The following HEXB variants were observed in gnomAD, a reference collection of about 807,000 sequenced individuals.
HEXB encodes the protein hexosaminidase subunit beta, also known as beta-hexosaminidase subunit beta.
In HEXB, 51 loss-of-function variants were observed where a neutral mutation model predicts 71.2. The observed-to-expected ratio is 0.72, with a 90% CI of 0.57 to 0.90. The LOEUF (loss-of-function observed/expected upper bound fraction) is 0.90, where lower values mean the gene tolerates loss of function less well. Ranked by LOEUF, HEXB falls within the 40% of genes least tolerant of loss-of-function variation. The pLI is 0.00. For synonymous variants in HEXB, 266 were observed against 249.3 expected, an observed-to-expected ratio of 1.07 and a Z score of -0.63; for missense variants, 617 against 677.0, an observed-to-expected ratio of 0.91 and a Z score of 0.98.
Position 74,713,531 on chromosome 5 carries a change from A to C in HEXB, c.797A>C (p.Tyr266Ser). The change falls in exon 7 of 14, where the codon TAT becomes TCT. Residue 266 changes from tyrosine (Y) to serine (S), a missense_variant. By Grantham distance (144) the Tyr-to-Ser change is moderately radical. Coordinates refer to ENST00000261416, the MANE Select transcript of HEXB (RefSeq NM_000521.4). The part of the protein sequence containing the change: ...NKGSYSLSHV[Y>S]TPNDVRMVIE... ...GGAAGCTATTCTTTGTCTCATGTTT[A>C]TACACCAAATGATGTCCGTATGGTG... The C allele has an allele frequency of 6.2e-7, 1 of 1,611,954 alleles. No homozygotes were observed. Among genetic ancestry groups the C allele is most frequent in the Non-Finnish European group, 8.5e-7 (1 of 1,178,010 alleles).
chr5:74,715,722 A>G (rs1749655535), intron 8 of HEXB, 32 bp downstream of exon 8: 1 of 1,477,042 alleles, frequency 6.8e-7, no homozygotes, highest in Non-Finnish European at 9.4e-7. Context: ...CCTTTAAAAA[A>G]AAAAAAAAGA....
chr5:74,701,352 A>G (rs1749256489), intron 5 of HEXB, among the ~76,000 whole-genome samples: 2 of 152,134 alleles, frequency 1.3e-5, no homozygotes, highest in African/African-American at 4.8e-5. Flanking sequence ...TCTTGATTCT[A>G]TTAGAATTTA....
At chr5:74,710,351 A>G (rs1749510308) in intron 6 of HEXB, among the ~76,000 whole-genome samples, 1 of 150,730 alleles carries the variant, frequency 6.6e-6, no homozygotes, top group Non-Finnish European at 1.5e-5. Flanking sequence ...GGCAAAAACT[A>G]GAAGCATTCC....
rs1697196890 is a variant in HEXB at position 74,657,875 on chromosome 5, TTACGCTTTTGTTG to T, written c.-377+17320_-377+17332del. 2.0e-5 allele frequency among the ~76,000 whole-genome samples: 3 copies of T among 152,326 alleles called. No individual in the cohort carries two copies. In the South Asian group the frequency reaches 6.2e-4, roughly 32 times the overall value. On this transcript the variant is annotated intron_variant, in intron 1 of 13. Transcript: ENST00000511181. ...CTTTTGTTGTATATAACAGCCTATG[TTACGCTTTTGTTG>T]TATATGAAGTCCGGGTTTTTCAGTC...
chr5:74,692,915 G>A (rs1749035129), intron 2 of HEXB, among the ~76,000 whole-genome samples: 1 of 152,234 alleles, frequency 6.6e-6, no homozygotes, highest in Admixed American at 6.5e-5. Context: ...ACCTTAGAGT[G>A]TGCTTCAAAG....
intron 1 of HEXB, among the ~76,000 whole-genome samples, chr5:74,673,906 A>T (rs58984892): frequency 1.3e-5 from 2 of 152,158 alleles, no homozygotes; most frequent in Non-Finnish European, 2.9e-5. Flanking sequence ...TAATTAGTTA[A>T]TTCCTCCTAA....
Position 74,693,655 on chromosome 5 carries a change from A to G in HEXB, c.462A>G (p.Lys154=), listed in dbSNP as rs1413311286. The G allele has an allele frequency of 1.2e-6, 2 of 1,612,184 alleles. No individual in the cohort carries two copies. Among genetic ancestry groups the G allele is most frequent in the Non-Finnish European group, 1.7e-6 (2 of 1,178,240 alleles). The change falls in exon 3 of 14, where the codon AAA becomes AAG. Residue 154 remains lysine, a synonymous_variant. Coordinates refer to ENST00000261416, the MANE Select transcript of HEXB (RefSeq NM_000521.4). Reference sequence around the variant, plus strand: ...TCAATACAGATACTTTACTTGTGAAAGAACCAGTGGCTGTCCTTAAGGCCA... The same window carrying G: ...TCAATACAGATACTTTACTTGTGAAGGAACCAGTGGCTGTCCTTAAGGCCA... ...SSDESYTLLV[K]EPVAVLKANR...
intron 1 of HEXB, among the ~76,000 whole-genome samples, chr5:74,660,069 T>TTA (rs1554032760): frequency 6.6e-6 from 1 of 151,354 alleles, no homozygotes; most frequent in Admixed American, 6.6e-5. Context: ...CTAATCTTTG[T>TTA]AAAAAAAATA....
At chr5:74,669,346 A>C (rs946839551) in intron 1 of HEXB, among the ~76,000 whole-genome samples, 5 of 152,128 alleles carry the variant, frequency 3.3e-5, no homozygotes, top group Admixed American at 2.0e-4. Context: ...CTAAGCTAAA[A>C]GGGAGACAGT....
chr5:74,675,132 C>T (rs1580371914), intron 1 of HEXB, among the ~76,000 whole-genome samples: 1 of 152,190 alleles, frequency 6.6e-6, no homozygotes, highest in East Asian at 1.9e-4. Flanking sequence ...TTATAAGCAA[C>T]CAGCAGAGTG....
intron 2 of HEXB, among the ~76,000 whole-genome samples, chr5:74,692,357 G>A (rs62368220): frequency 8.8e-4 from 131 of 149,682 alleles, no homozygotes; most frequent in Non-Finnish European, 1.4e-3. Flanking sequence ...AAAAAAGAAA[G>A]AGAAAAATTA....
intron 1 of HEXB, among the ~76,000 whole-genome samples, chr5:74,670,658 T>A (rs1748517214): frequency 6.6e-6 from 1 of 152,200 alleles, no homozygotes; most frequent in Admixed American, 6.5e-5. Flanking sequence ...AGGCTGTGGA[T>A]GGCAAGACTA....
At position 74,720,758 on chromosome 5, in the gene HEXB, T is replaced by G. The variant is rs756247184; in HGVS notation, c.1613+11T>G. Reference sequence around the variant, plus strand: ...CTGCAGGATGGTCGAGTAAGAAATCTATTAAGTCCAGTGTGATTTTTAACC... The same window carrying G: ...CTGCAGGATGGTCGAGTAAGAAATCGATTAAGTCCAGTGTGATTTTTAACC... On this transcript the variant is annotated intron_variant, in intron 13 of 13. Transcript: ENST00000261416. 12 of 1,595,572 alleles carry G rather than the reference T, an allele frequency of 7.5e-6. No individual in the cohort carries two copies. Among genetic ancestry groups the G allele is most frequent in the African/African-American group, 2.7e-5 (2 of 74,568 alleles).
At chr5:74,671,132 A>G (rs187925598) in intron 1 of HEXB, among the ~76,000 whole-genome samples, 4 of 152,068 alleles carry the variant, frequency 2.6e-5, no homozygotes, top group Admixed American at 1.3e-4. Flanking sequence ...ATGGTAAAAA[A>G]ACAACTACAG....
chr5:74,685,082 G>A (rs1191575896), upstream of HEXB: 3 of 641,636 alleles, frequency 4.7e-6, no homozygotes, highest in Non-Finnish European at 5.0e-6. Context: ...AGGTGACCTG[G>A]ACAGGGCGGG....
intron 1 of HEXB, among the ~76,000 whole-genome samples, chr5:74,644,310 G>A (rs906639391): frequency 3.3e-5 from 5 of 152,228 alleles, no homozygotes; most frequent in Non-Finnish European, 7.3e-5. Flanking sequence ...GCTGAATGCA[G>A]CTTGCCCAGG....
rs547804643 is a variant in HEXB at position 74,713,733 on chromosome 5, G to A, written c.901+98G>A. 22 of 966,884 alleles carry A rather than the reference G, an allele frequency of 2.3e-5. No individual in the cohort carries two copies. The East Asian group carries it at 4.2e-4, about 19-fold the overall frequency. 59.9% of individuals were successfully genotyped at this position (966,884 alleles called of 1,614,324 possible). On this transcript the variant is annotated intron_variant, in intron 7 of 13. Coordinates refer to ENST00000261416, the MANE Select transcript of HEXB (RefSeq NM_000521.4). ...GGCTGGAGTGCAGTAGTACAATCTCGGCTCACTGCAACCTCCACCTCCCAG... is the reference window on the plus strand; with the variant it reads ...GGCTGGAGTGCAGTAGTACAATCTCAGCTCACTGCAACCTCCACCTCCCAG...
intron 1 of HEXB, among the ~76,000 whole-genome samples, chr5:74,642,431 G>A (rs984715857): frequency 6.6e-6 from 1 of 152,176 alleles, no homozygotes; most frequent in African/African-American, 2.4e-5. Context: ...TGGAAACTCT[G>A]TAGACTCCAG....
intron 1 of HEXB, among the ~76,000 whole-genome samples, chr5:74,661,799 A>G (rs76087647): frequency 0.035 from 5,309 of 152,294 alleles, 160 homozygotes; most frequent in African/African-American, 0.075. Context: ...TTTTAAGTGG[A>G]TAGTTCATTT....
Sources: gnomAD v4.1 joint callset for allele counts (sites outside exome capture counted in the v4.1 genomes callset) on GRCh38, gnomAD v4.1.1 for gene constraint, MANE v1.5 for transcripts, NCBI Gene and HGNC (gene_info 2026-07-23, HGNC 2026-07-21) for gene names.